EPYC: variants seen among roughly 807,000 people sequenced by gnomAD.
EPYC encodes epiphycan.
Under a neutral mutation model 30.1 loss-of-function variants are expected in EPYC, and 28 were observed. The ratio of observed to expected loss-of-function variants is 0.93; its 90% CI spans 0.69 to 1.28. EPYC has a LOEUF of 1.28. Among genes scored for constraint, EPYC ranks in the 50% most tolerant of loss-of-function variants. The probability of loss-of-function intolerance (pLI) is 0.00; values close to 1 mark genes in which losing one functional copy is unlikely to be tolerated. For missense variants in EPYC, 382 were observed against 383.5 expected (o/e 1.00, Z 0.03); for synonymous variants, 144 against 141.4 (o/e 1.02, Z -0.13).
At chr12:90,983,646 C>T (rs1295678734) in intron 2 of EPYC, among the ~76,000 whole-genome samples, 1 of 152,054 alleles carries the variant, frequency 6.6e-6, no homozygotes, top group African/African-American at 2.4e-5. Flanking sequence ...AGTCACATCG[C>T]CCAAGTGAGA....
intron 2 of EPYC, among the ~76,000 whole-genome samples, chr12:90,989,509 A>T (rs1464039288): frequency 6.6e-6 from 1 of 152,026 alleles, no homozygotes; most frequent in African/African-American, 2.4e-5. Flanking sequence ...TAGAACATGT[A>T]CATGCTTTTT....
At chr12:90,996,289 A>G (rs1477091729) in intron 2 of EPYC, among the ~76,000 whole-genome samples, 1 of 151,864 alleles carries the variant, frequency 6.6e-6, no homozygotes, top group African/African-American at 2.4e-5. Context: ...GATTTCTGGA[A>G]GTTGTCCGGA....
chr12:90,979,690 T>C (rs1014977122), intron 2 of EPYC, among the ~76,000 whole-genome samples: 6 of 152,154 alleles, frequency 3.9e-5, no homozygotes, highest in East Asian at 3.9e-4. Context: ...ATTACATTGG[T>C]TCCATTTGTT....
In EPYC at chr12:90,972,820, A is replaced by G. The variant is rs755362136; in HGVS notation, c.499+2T>C. 1 of 1,613,100 alleles carries G rather than the reference A, an allele frequency of 6.2e-7. No homozygotes were observed. Among genetic ancestry groups the G allele is most frequent in the East Asian group, 2.2e-5 (1 of 44,824 alleles). ...GAAGGCCGTTAATGCTGTCATCCAT[A>G]CTTAGGCTTGCAAAGTCATTTTTGT... On this transcript the variant is annotated splice_donor_variant, in intron 4 of 6. Transcript: ENST00000261172. LOFTEE classifies it high-confidence loss of function.
At chr12:90,986,366 G>A (rs1276170597) in intron 2 of EPYC, among the ~76,000 whole-genome samples, 1 of 152,130 alleles carries the variant, frequency 6.6e-6, no homozygotes, top group Non-Finnish European at 1.5e-5. Flanking sequence ...AGCAGTCCCT[G>A]CAACACCCCA....
At chr12:90,995,989 T>C (rs1177343038) in intron 2 of EPYC, among the ~76,000 whole-genome samples, 1 of 151,948 alleles carries the variant, frequency 6.6e-6, no homozygotes, top group Non-Finnish European at 1.5e-5. Context: ...AGTTTCTTCT[T>C]CCAACATAAA....
In EPYC at chr12:90,964,108, G is replaced by A; in HGVS notation, c.*48C>T. 6.6e-7 allele frequency: 1 copy of A among 1,524,890 alleles called. No homozygotes were observed. The highest frequency in any genetic ancestry group is 9.0e-7 in the Non-Finnish European group (1 of 1,111,424). The allele number at this position is 1,524,890 out of a possible 1,614,324, so 94.5% of individuals were successfully genotyped here. ...GTTTTGTTTTGGAAGAGAGCAGTAAGAATGGTTTATTTATAGTAGCCATCG... is the reference window on the plus strand; with the variant it reads ...GTTTTGTTTTGGAAGAGAGCAGTAAAAATGGTTTATTTATAGTAGCCATCG... On this transcript the variant is annotated 3_prime_UTR_variant, in exon 7 of 7. Coordinates refer to ENST00000261172, the MANE Select transcript of EPYC (RefSeq NM_004950.5).
At chr12:90,973,004 T>G (rs936398791) in intron 3 of EPYC, 24 bp from the exon 4 acceptor site, 2 of 1,503,194 alleles carry the variant, frequency 1.3e-6, no homozygotes, top group Non-Finnish European at 1.8e-6. Context: ...GAAAATAAAA[T>G]TAAATGTAAG....
intron 3 of EPYC, among the ~76,000 whole-genome samples, chr12:90,977,797 A>G (rs1877221953): frequency 6.6e-6 from 1 of 152,076 alleles, no homozygotes; most frequent in South Asian, 2.1e-4. Context: ...CCTGCTCATC[A>G]ATTACTCTCT....
At chr12:91,000,387 T>C (rs974298221) in intron 2 of EPYC, among the ~76,000 whole-genome samples, 2 of 152,076 alleles carry the variant, frequency 1.3e-5, no homozygotes. Context: ...AAGATAATAT[T>C]GTATATTAAG....
rs1877061927 is a variant in EPYC, at chr12:90,971,962, A to G, written c.540T>C (p.Ser180=). 1.2e-6 allele frequency: 2 copies of G among 1,606,536 alleles called. No homozygotes were observed. Among genetic ancestry groups the G allele is most frequent in the Middle Eastern group, 1.7e-4 (1 of 6,040 alleles). The change falls in exon 5 of 7, where the codon TCT becomes TCC. Residue 180 remains serine, a synonymous_variant. Coordinates refer to ENST00000261172, the MANE Select transcript of EPYC (RefSeq NM_004950.5). ...TTCGGAATGCATCTTCATCAATCTC[A>G]GATATTAAATTTGATGTCAGATCAA... ...KRIDLTSNLI[S]EIDEDAFRKL...
intron 2 of EPYC, among the ~76,000 whole-genome samples, chr12:90,990,353 G>C (rs941324784): frequency 4.0e-5 from 6 of 151,732 alleles, no homozygotes; most frequent in African/African-American, 1.5e-4. Flanking sequence ...ATTATCACAG[G>C]GTAACTACAC....
intron 2 of EPYC, among the ~76,000 whole-genome samples, chr12:90,993,333 G>A (rs945375125): frequency 5.9e-5 from 9 of 152,114 alleles, no homozygotes; most frequent in African/African-American, 2.2e-4. Context: ...TTTGTATTAG[G>A]AAGCTCTTAC....
intron 2 of EPYC, among the ~76,000 whole-genome samples, chr12:90,987,151 C>G (rs370388329): frequency 1.3e-5 from 2 of 152,196 alleles, no homozygotes. Context: ...TTACCTTGAT[C>G]AAAAATGCCT....
At chr12:91,002,189 C>CCAAAA (rs1877844270) in intron 2 of EPYC, among the ~76,000 whole-genome samples, 1 of 73,458 alleles carries the variant, frequency 1.4e-5, no homozygotes, top group Non-Finnish European at 2.4e-5. Flanking sequence ...GACACTGTCT[C>CCAAAA]AAAAAAAAAA....
chr12:90,971,271 G>A (rs1877037381), intron 5 of EPYC, among the ~76,000 whole-genome samples: 1 of 152,026 alleles, frequency 6.6e-6, no homozygotes, highest in Non-Finnish European at 1.5e-5. Context: ...TCTGTTTTTG[G>A]TACTTGATCA....
rs116166396 is a variant in EPYC at position 90,987,277 on chromosome 12, A to G, written c.166-9015T>C. 7.0e-3 allele frequency among the ~76,000 whole-genome samples: 1,067 copies of G among 152,184 alleles called. 9 individuals are homozygous for G. Among genetic ancestry groups the G allele is most frequent in the African/African-American group, 0.025 (1,026 of 41,528 alleles). Reference sequence around the variant, plus strand: ...CAACCACAGACATGCTAGCCCTGAGATAACCTCCCCTCCGCCCAGAGACAT... The same window carrying G: ...CAACCACAGACATGCTAGCCCTGAGGTAACCTCCCCTCCGCCCAGAGACAT... On this transcript the variant is annotated intron_variant, in intron 2 of 6. Transcript: ENST00000261172.
intron 2 of EPYC, among the ~76,000 whole-genome samples, chr12:91,001,948 G>A (rs1877832282): frequency 6.6e-6 from 1 of 151,886 alleles, no homozygotes; most frequent in African/African-American, 2.4e-5. Context: ...CAGCATTTGG[G>A]AAGGCTGAGG....
intron 2 of EPYC, among the ~76,000 whole-genome samples, chr12:90,983,917 G>A (rs1377270867): frequency 1.3e-5 from 2 of 152,032 alleles, no homozygotes; most frequent in South Asian, 4.1e-4. Context: ...TTACTATCTG[G>A]AATTTTAGGA....
Sources: gnomAD v4.1 joint callset for allele counts (sites outside exome capture counted in the v4.1 genomes callset) on GRCh38, gnomAD v4.1.1 for gene constraint, MANE v1.5 for transcripts, NCBI Gene and HGNC (gene_info 2026-07-23, HGNC 2026-07-21) for gene names.